Variants in IGFBP2 observed in about 807,000 individuals in gnomAD.
IGFBP2 encodes insulin-like growth factor-binding protein 2.
IGFBP2 carries 12 observed loss-of-function variants against 26.2 expected under a neutral mutation model. The ratio of observed to expected loss-of-function variants is 0.46; its 90% confidence interval spans 0.29 to 0.74. The LOEUF is 0.74. Ranked by LOEUF, IGFBP2 falls within the 30% of genes least tolerant of loss-of-function variation. IGFBP2 has a pLI of 0.09. For missense variants in IGFBP2, 328 were observed against 441.2 expected (o/e 0.74, Z 2.30); for synonymous variants, 189 against 200.6 (o/e 0.94, Z 0.49).
chr2:216,646,533 A>G (rs1023921946), intron 1 of IGFBP2, among the ~76,000 whole-genome samples: 4 of 152,218 alleles, frequency 2.6e-5, no homozygotes, highest in Admixed American at 1.3e-4. Flanking sequence ...GCTCTTTGAT[A>G]GTGTATTAGT....
chr2:216,650,000 A>G (rs12478846), intron 1 of IGFBP2, among the ~76,000 whole-genome samples: 3,402 of 152,308 alleles, frequency 0.022, 125 homozygotes, highest in African/African-American at 0.077. Flanking sequence ...TGTCTCTGCA[A>G]AGCTTATACC....
chr2:216,652,342 T>G (rs1697843436), intron 1 of IGFBP2, among the ~76,000 whole-genome samples: 1 of 152,062 alleles, frequency 6.6e-6, no homozygotes, highest in Non-Finnish European at 1.5e-5. Flanking sequence ...CCTGGCTAAT[T>G]TTTATGTATT....
At chr2:216,639,677 C>G (rs1341119014) in intron 1 of IGFBP2, among the ~76,000 whole-genome samples, 1 of 151,690 alleles carries the variant, frequency 6.6e-6, no homozygotes, top group Non-Finnish European at 1.5e-5. Context: ...GAGTTTTGCT[C>G]TGTCACCCAG....
At chr2:216,633,999 C>G (rs1210882511) in intron 1 of IGFBP2, 34 bp downstream of exon 1, 18 of 1,558,190 alleles carry the variant, frequency 1.2e-5, no homozygotes, top group African/African-American at 1.4e-5. Flanking sequence ...TTGGGAGAAA[C>G]TTGGAGGGCA....
intron 1 of IGFBP2, among the ~76,000 whole-genome samples, chr2:216,656,098 A>G (rs1293374025): frequency 6.6e-6 from 1 of 152,194 alleles, no homozygotes; most frequent in Non-Finnish European, 1.5e-5. Flanking sequence ...TCAGGCCCGA[A>G]TGCACATTTA....
At chr2:216,642,553 G>T (rs993470131) in intron 1 of IGFBP2, among the ~76,000 whole-genome samples, 8 of 149,378 alleles carry the variant, frequency 5.4e-5, no homozygotes, top group Non-Finnish European at 8.9e-5. Flanking sequence ...TGATCCGCCC[G>T]CCTCGGCCTC....
intron 1 of IGFBP2, among the ~76,000 whole-genome samples, chr2:216,659,970 C>T (rs1011424226): frequency 2.6e-5 from 4 of 152,222 alleles, no homozygotes; most frequent in East Asian, 1.9e-4. Context: ...TGGGTGGCGA[C>T]GTGGCCTTCC....
At chr2:216,661,087 G>C in intron 2 of IGFBP2, 1 of 413,852 alleles carries the variant, frequency 2.4e-6, no homozygotes, top group Non-Finnish European at 4.4e-6. Flanking sequence ...CAGAGTCCCT[G>C]AAACTTGCTT....
rs1325095932 is a variant in IGFBP2 at position 216,635,170 on chromosome 2, G to A, written c.442+1205G>A. Among the ~76,000 whole-genome samples the A allele has an allele frequency of 7.2e-5, 11 of 151,992 alleles. No homozygotes were observed. In the East Asian group the frequency reaches 1.9e-3, roughly 27 times the overall value. Reference sequence around the variant, plus strand: ...TATTGTTTTTTTCCCTGTTCTCCTTGAGAATGGAATTAGGGGTCAGAGTTG... The same window carrying A: ...TATTGTTTTTTTCCCTGTTCTCCTTAAGAATGGAATTAGGGGTCAGAGTTG... On this transcript the variant is annotated intron_variant, in intron 1 of 3. Coordinates refer to ENST00000233809, the MANE Select transcript of IGFBP2 (RefSeq NM_000597.3).
chr2:216,647,728 G>T (rs780046084), intron 1 of IGFBP2, among the ~76,000 whole-genome samples: 3 of 152,114 alleles, frequency 2.0e-5, no homozygotes, highest in Non-Finnish European at 2.9e-5. Flanking sequence ...CACCATGTTA[G>T]CCAGGATGGT....
chr2:216,634,906 T>TTTA lies in IGFBP2; in HGVS notation c.442+941_442+942insTTA, dbSNP rs371560018. On this transcript the variant is annotated intron_variant, in intron 1 of 3. Coordinates refer to ENST00000233809, the MANE Select transcript of IGFBP2 (RefSeq NM_000597.3). The stretch of plus-strand genomic sequence containing the variant: ...TAAGGAGGTTACTTTTTTTTTTTTT[T>TTTA]AATTACGAAAGCCTCCTGCCCCAGT... Among the ~76,000 whole-genome samples, 46 of 128,518 alleles carry TTTA rather than the reference T, an allele frequency of 3.6e-4. 2 individuals are homozygous for TTTA. The highest frequency in any genetic ancestry group is 7.3e-4 in the African/African-American group (26 of 35,412). 84.3% of individuals were successfully genotyped at this position (128,518 alleles called of 152,430 possible).
At chr2:216,652,615 C>G (rs1697850133) in intron 1 of IGFBP2, among the ~76,000 whole-genome samples, 1 of 152,194 alleles carries the variant, frequency 6.6e-6, no homozygotes. Context: ...TTGCTCATTC[C>G]AGTTTGTTAA....
intron 1 of IGFBP2, among the ~76,000 whole-genome samples, chr2:216,651,082 C>T (rs969428551): frequency 5.3e-5 from 8 of 152,210 alleles, no homozygotes; most frequent in Middle Eastern, 3.4e-3. Context: ...AGGCCACTGC[C>T]CCCTCTGACC....
Position 216,633,878 on chromosome 2 carries a change from C to T in IGFBP2, c.355C>T (p.Leu119=). Residue 119 remains leucine, a synonymous_variant, in exon 1 of 4, where the codon CTG becomes TTG. Coordinates refer to ENST00000233809, the MANE Select transcript of IGFBP2 (RefSeq NM_000597.3). ...LRCYPHPGSE[L]PLQALVMGEG... ...CTGCTATCCCCACCCGGGCTCCGAG[C>T]TGCCCCTGCAGGCGCTGGTCATGGG... is the stretch of plus-strand genomic sequence containing the variant. The T allele has an allele frequency of 6.3e-7, 1 of 1,581,500 alleles. No homozygotes were observed.
intron 1 of IGFBP2, among the ~76,000 whole-genome samples, chr2:216,646,845 A>G (rs1015560104): frequency 1.3e-5 from 2 of 152,164 alleles, no homozygotes; most frequent in African/African-American, 2.4e-5. Flanking sequence ...GGGAGCTACA[A>G]TTCATGGTGA....
At chr2:216,647,675 A>G (rs1471649821) in intron 1 of IGFBP2, among the ~76,000 whole-genome samples, 1 of 151,664 alleles carries the variant, frequency 6.6e-6, no homozygotes, top group Non-Finnish European at 1.5e-5. Flanking sequence ...GCCCACCACC[A>G]CGCCTGGCTA....
At chr2:216,634,906 TAA>T (rs1697464644) in intron 1 of IGFBP2, among the ~76,000 whole-genome samples, 63 of 128,478 alleles carry the variant, frequency 4.9e-4, no homozygotes, top group South Asian at 1.0e-3. Flanking sequence ...TTTTTTTTTT[TAA>T]TTACGAAAGC....
intron 3 of IGFBP2, 135 bp downstream of exon 3, chr2:216,662,133 G>A (rs1203398246): frequency 9.6e-7 from 1 of 1,046,642 alleles, no homozygotes; most frequent in East Asian, 2.5e-5. Context: ...CTGTCACCAT[G>A]GGGATTGGGA....
At chr2:216,643,551 G>A (rs927767615) in intron 1 of IGFBP2, among the ~76,000 whole-genome samples, 12 of 152,168 alleles carry the variant, frequency 7.9e-5, no homozygotes, top group African/African-American at 2.9e-4. Context: ...ATCCGGGGTG[G>A]ATGGTCATGT....
Sources: gnomAD v4.1 joint callset for allele counts (sites outside exome capture counted in the v4.1 genomes callset) on GRCh38, gnomAD v4.1.1 for gene constraint, MANE v1.5 for transcripts, NCBI Gene and HGNC (gene_info 2026-07-23, HGNC 2026-07-21) for gene names.